The following GRIK2 variants were observed in gnomAD, a reference collection of about 807,000 sequenced individuals.
GRIK2 encodes the protein glutamate ionotropic receptor kainate type subunit 2.
Under a neutral mutation model 100.3 loss-of-function variants are expected in GRIK2, and 32 were observed. The observed-to-expected ratio is 0.32, with a 90% CI of 0.24 to 0.43. The LOEUF (loss-of-function observed/expected upper bound fraction) is 0.43. GRIK2 is among the 20% of genes least tolerant of loss of function. The pLI is 1.00. For missense variants in GRIK2, 843 were observed against 1,114.9 expected, an observed-to-expected ratio of 0.76 and a Z score of 3.47; for synonymous variants, 417 against 389.4, an observed-to-expected ratio of 1.07 and a Z score of -0.83.
intron 7 of GRIK2, among the ~76,000 whole-genome samples, chr6:101,727,763 T>C (rs1712045436): frequency 6.6e-6 from 1 of 151,738 alleles, no homozygotes; most frequent in Non-Finnish European, 1.5e-5. Context: ...AAGTGAGAAG[T>C]TAAGGGGAAA....
intron 4 of GRIK2, among the ~76,000 whole-genome samples, chr6:101,676,113 G>A (rs1770819905): frequency 6.6e-6 from 1 of 152,144 alleles, no homozygotes; most frequent in Admixed American, 6.6e-5. Flanking sequence ...AATTATTAAT[G>A]TAAAATACAA....
intron 2 of GRIK2, among the ~76,000 whole-genome samples, chr6:101,587,389 CGTCT>C (rs996995981): frequency 2.6e-5 from 4 of 151,714 alleles, no homozygotes; most frequent in Admixed American, 6.6e-5. Context: ...TCTGTCTGTC[CGTCT>C]GTCTGTCCCT....
chr6:101,676,694 CCTG>C lies in GRIK2; in HGVS notation c.617_619del (p.Ala206del), dbSNP rs758615234. On this transcript the variant is annotated inframe_deletion, in exon 5 of 17. Coordinates refer to ENST00000369134, the MANE Select transcript of GRIK2 (RefSeq NM_021956.5). Reference sequence around the variant, plus strand: ...TCTTCGACTCAAAATTCGTCAGTTACCTGCTGATACAAAGGATGCAAAACCCTT... The same window carrying C: ...TCTTCGACTCAAAATTCGTCAGTTACCTGATACAAAGGATGCAAAACCCTT... The C allele has an allele frequency of 7.1e-5, 114 of 1,603,912 alleles. No homozygotes were observed. The African/African-American group carries it at 1.3e-3, about 19-fold the overall frequency.
At chr6:101,675,306 C>CCA (rs3056135) in intron 4 of GRIK2, among the ~76,000 whole-genome samples, 5,711 of 149,246 alleles carry the variant, frequency 0.038, 153 homozygotes, top group African/African-American at 0.065. Flanking sequence ...CACACACACA[C>CCA]CACACACACA....
intron 10 of GRIK2, among the ~76,000 whole-genome samples, chr6:101,826,993 G>T (rs1346882814): frequency 2.0e-5 from 3 of 151,746 alleles, no homozygotes; most frequent in Non-Finnish European, 2.9e-5. Flanking sequence ...ACAATTTCCA[G>T]TAAGTAAATA....
At chr6:101,459,954 A>G (rs533466617) in intron 2 of GRIK2, among the ~76,000 whole-genome samples, 1 of 151,996 alleles carries the variant, frequency 6.6e-6, no homozygotes, top group Non-Finnish European at 1.5e-5. Context: ...ACAGGGTTTC[A>G]CCACTTTGGT....
At chr6:101,652,384 A>G (rs1030458560) in intron 4 of GRIK2, among the ~76,000 whole-genome samples, 1 of 152,120 alleles carries the variant, frequency 6.6e-6, no homozygotes, top group African/African-American at 2.4e-5. Flanking sequence ...AAGATTCTCA[A>G]TAGAACCTGA....
At position 101,859,303 on chromosome 6, in the gene GRIK2, T is replaced by C; in HGVS notation, c.1334T>C (p.Leu445Pro). The C allele has an allele frequency of 1.3e-6, 2 of 1,586,464 alleles. No individual in the cohort carries two copies. The highest frequency in any genetic ancestry group is 1.7e-6 in the Non-Finnish European group (2 of 1,155,402). ...VTTILEEPYV[L>P]FKKSDKPLYG... ...TGTTTTCAGGAAGAGCCTTATGTCCTTTTTAAGAAGTCTGACAAACCTCTC... is the reference window on the plus strand; with the variant it reads ...TGTTTTCAGGAAGAGCCTTATGTCCCTTTTAAGAAGTCTGACAAACCTCTC... Residue 445 changes from leucine (L) to proline (P), a missense_variant, in exon 11 of 17, where the codon CTT becomes CCT. Transcript: ENST00000369134.
At chr6:101,553,946 C>T (rs1484197274) in intron 2 of GRIK2, among the ~76,000 whole-genome samples, 2 of 152,162 alleles carry the variant, frequency 1.3e-5, no homozygotes, top group Non-Finnish European at 2.9e-5. Flanking sequence ...TACTGACAGA[C>T]GCAGTCACCT....
chr6:101,765,372 G>A (rs936319222), intron 7 of GRIK2, among the ~76,000 whole-genome samples: 2 of 152,082 alleles, frequency 1.3e-5, no homozygotes, highest in African/African-American at 4.8e-5. Flanking sequence ...GAATGCGTGT[G>A]TGCTTTTTTA....
intron 15 of GRIK2, among the ~76,000 whole-genome samples, chr6:102,047,013 A>T (rs192780321): frequency 4.6e-5 from 7 of 152,252 alleles, no homozygotes; most frequent in Non-Finnish European, 7.4e-5. Context: ...TATTGAAACA[A>T]ATGACAGTAG....
chr6:101,718,185 A>G (rs1267594564), intron 7 of GRIK2, among the ~76,000 whole-genome samples: 1 of 151,808 alleles, frequency 6.6e-6, no homozygotes, highest in South Asian at 2.1e-4. Flanking sequence ...GCTGTTGGCA[A>G]TTTCACTTAT....
intron 10 of GRIK2, among the ~76,000 whole-genome samples, chr6:101,821,828 A>T (rs998782462): frequency 8.6e-5 from 13 of 151,986 alleles, no homozygotes; most frequent in African/African-American, 3.1e-4. Context: ...TGTTATGATT[A>T]TTTTGCCCTT....
chr6:101,973,900 C>G (rs1562079759), intron 14 of GRIK2, among the ~76,000 whole-genome samples: 2 of 151,902 alleles, frequency 1.3e-5, no homozygotes, highest in Admixed American at 6.6e-5. Flanking sequence ...CTGGAGAGGT[C>G]TTACAAGTGC....
At chr6:101,785,669 G>A (rs961780199) in intron 7 of GRIK2, among the ~76,000 whole-genome samples, 1 of 151,746 alleles carries the variant, frequency 6.6e-6, no homozygotes, top group African/African-American at 2.4e-5. Flanking sequence ...TTGTTTCATT[G>A]GTCTATGTGT....
intron 14 of GRIK2, among the ~76,000 whole-genome samples, chr6:101,977,934 G>A (rs1021126416): frequency 6.6e-6 from 1 of 151,990 alleles, no homozygotes; most frequent in Non-Finnish European, 1.5e-5. Flanking sequence ...ACTTGAAATG[G>A]ACTGAACAAA....
At chr6:101,609,454 T>G (rs1373724820) in intron 2 of GRIK2, among the ~76,000 whole-genome samples, 1 of 151,862 alleles carries the variant, frequency 6.6e-6, no homozygotes, top group African/African-American at 2.4e-5. Context: ...CATTTTGTAA[T>G]TAACAAAAGG....
intron 2 of GRIK2, among the ~76,000 whole-genome samples, chr6:101,419,260 A>G (rs1312898571): frequency 6.6e-6 from 1 of 152,074 alleles, no homozygotes; most frequent in Non-Finnish European, 1.5e-5. Context: ...GGACCCATTT[A>G]CAGTTCTTTC....
At chr6:101,619,816 A>G (rs868680593) in intron 2 of GRIK2, among the ~76,000 whole-genome samples, 3 of 152,132 alleles carry the variant, frequency 2.0e-5, no homozygotes, top group Non-Finnish European at 2.9e-5. Context: ...AATTTTGCAG[A>G]AAACTACTAG....
Sources: gnomAD v4.1 joint callset for allele counts (sites outside exome capture counted in the v4.1 genomes callset) on GRCh38, gnomAD v4.1.1 for gene constraint, MANE v1.5 for transcripts, NCBI Gene and HGNC (gene_info 2026-07-23, HGNC 2026-07-21) for gene names.